The following BTC variants were observed in gnomAD, a reference collection of about 807,000 sequenced individuals.
BTC encodes the protein betacellulin.
A neutral mutation model predicts 18.1 loss-of-function variants in BTC; 13 were observed. The observed-to-expected ratio is 0.72, with a 90% CI of 0.47 to 1.14. BTC has a LOEUF of 1.14. BTC is among the 50% of genes most tolerant of loss of function. BTC has a pLI of 0.00. For missense variants in BTC, 247 were observed against 224.2 expected, an observed-to-expected ratio of 1.10 and a Z score of -0.65; for synonymous variants, 83 against 79.4, an observed-to-expected ratio of 1.05 and a Z score of -0.24.
intron 1 of BTC, among the ~76,000 whole-genome samples, chr4:74,793,263 A>T (rs529791443): frequency 1.3e-5 from 2 of 152,254 alleles, no homozygotes; most frequent in Non-Finnish European, 2.9e-5. Flanking sequence ...AAGCAAGTTC[A>T]CTGTACCTTT....
At chr4:74,772,437 C>T (rs1161569789) in intron 1 of BTC, among the ~76,000 whole-genome samples, 4 of 152,006 alleles carry the variant, frequency 2.6e-5, no homozygotes, top group Non-Finnish European at 4.4e-5. Context: ...AATCCTGGTG[C>T]CTAATACAGA....
At chr4:74,763,353 A>G (rs28565087) in intron 2 of BTC, among the ~76,000 whole-genome samples, 33,640 of 152,042 alleles carry the variant, frequency 0.22, 4,690 homozygotes, top group African/African-American at 0.4. Context: ...GACAAGTTGC[A>G]TCCTGCATGG....
intron 3 of BTC, among the ~76,000 whole-genome samples, chr4:74,751,008 A>G (rs190562391): frequency 1.6e-3 from 251 of 152,300 alleles, no homozygotes; most frequent in African/African-American, 5.7e-3. Flanking sequence ...CTCTGAATTC[A>G]AAAAGGAAAG....
chr4:74,790,259 T>C (rs1286066212), intron 1 of BTC, among the ~76,000 whole-genome samples: 1 of 152,250 alleles, frequency 6.6e-6, no homozygotes. Context: ...TGTGCTTTCC[T>C]ACTGTCTATT....
intron 2 of BTC, among the ~76,000 whole-genome samples, chr4:74,766,917 A>G (rs1459532683): frequency 6.6e-6 from 1 of 152,040 alleles, no homozygotes; most frequent in East Asian, 1.9e-4. Context: ...ATAGAAGGAA[A>G]TTACCCCAAA....
chr4:74,774,455 G>A (rs548141038), intron 1 of BTC, among the ~76,000 whole-genome samples: 5 of 152,258 alleles, frequency 3.3e-5, no homozygotes, highest in African/African-American at 1.2e-4. Flanking sequence ...TAGAGAGGCA[G>A]GAAAGTATGG....
chr4:74,763,146 T>C (rs139457178), intron 2 of BTC, among the ~76,000 whole-genome samples: 74 of 152,334 alleles, frequency 4.9e-4, no homozygotes, highest in African/African-American at 1.7e-3. Flanking sequence ...TAACTGTTTT[T>C]AAGCCCATTT....
intron 4 of BTC, among the ~76,000 whole-genome samples, chr4:74,748,392 C>T (rs1000551277): frequency 6.6e-6 from 1 of 152,012 alleles, no homozygotes; most frequent in African/African-American, 2.4e-5. Flanking sequence ...AAAAATTGGC[C>T]GGACGTGGTG....
At chr4:74,748,245 T>A (rs7699847) in intron 4 of BTC, 96 bp from the exon 5 acceptor site, 486,810 of 767,558 alleles carry the variant, frequency 0.63, 157,262 homozygotes, top group Non-Finnish European at 0.69. Flanking sequence ...TTTCTTTTTT[T>A]AAAAAAATAT....
At chr4:74,755,768 C>T (rs72660311) in intron 3 of BTC, 91 bp downstream of exon 3, 48,657 of 1,202,522 alleles carry the variant, frequency 0.04, 1,208 homozygotes, top group Non-Finnish European at 0.048. Context: ...GGACAGATGG[C>T]ATGGTTAGCT....
At chr4:74,751,807 A>C (rs2109879897) in intron 3 of BTC, among the ~76,000 whole-genome samples, 1 of 152,320 alleles carries the variant, frequency 6.6e-6, no homozygotes, top group East Asian at 1.9e-4. Flanking sequence ...AGTATTAATA[A>C]ACATTTTCCT....
Position 74,749,151 on chromosome 4 carries a change from C to T in BTC, c.429-1002G>A, listed in dbSNP as rs189744634. Among the ~76,000 whole-genome samples, 292 of 152,114 alleles carry T rather than the reference C, an allele frequency of 1.9e-3. 1 individual carries two copies. The highest frequency in any genetic ancestry group is 6.7e-3 in the African/African-American group (280 of 41,522). On this transcript the variant is annotated intron_variant, in intron 4 of 5. Transcript: ENST00000395743. The stretch of plus-strand genomic sequence containing the variant: ...CGAGACAAAAATCAAGTACTCTGGC[C>T]GGGCGCGGTGGCTCATGCCTGTAAT...
At chr4:74,784,383 A>G (rs1402551906) in intron 1 of BTC, among the ~76,000 whole-genome samples, 2 of 152,168 alleles carry the variant, frequency 1.3e-5, no homozygotes, top group Non-Finnish European at 2.9e-5. Context: ...CTGCAAACAA[A>G]GATAATTCAA....
At position 74,774,030 on chromosome 4, in the gene BTC, T is replaced by C. The variant is rs141467854; in HGVS notation, c.65-3874A>G. Among the ~76,000 whole-genome samples, 40 of 152,348 alleles carry C rather than the reference T, an allele frequency of 2.6e-4. No homozygotes were observed. The East Asian group carries it at 7.1e-3, about 27-fold the overall frequency. ...AAGACTTCATGGAGAAATTGAGATT[T>C]GCCATGAGTTCTTAATGAGGAATAA... On this transcript the variant is annotated intron_variant, in intron 1 of 5. Coordinates refer to ENST00000395743, the MANE Select transcript of BTC (RefSeq NM_001729.4).
At chr4:74,781,747 C>T (rs1369096024) in intron 1 of BTC, among the ~76,000 whole-genome samples, 1 of 151,596 alleles carries the variant, frequency 6.6e-6, no homozygotes, top group Admixed American at 6.6e-5. Context: ...ATTTATTATC[C>T]TAACCTTTTT....
At chr4:74,756,793 G>A (rs1394561245) in intron 2 of BTC, among the ~76,000 whole-genome samples, 1 of 152,220 alleles carries the variant, frequency 6.6e-6, no homozygotes, top group Non-Finnish European at 1.5e-5. Context: ...TTTCATTCCT[G>A]AACTGACTTC....
chr4:74,791,992 C>G (rs1560728269), intron 1 of BTC, among the ~76,000 whole-genome samples: 1 of 147,550 alleles, frequency 6.8e-6, no homozygotes, highest in East Asian at 1.9e-4. Context: ...CACACACACA[C>G]ACACACACAC....
At chr4:74,777,106 G>GGCAGCTTTA (rs1397473418) in intron 1 of BTC, among the ~76,000 whole-genome samples, 2 of 152,116 alleles carry the variant, frequency 1.3e-5, no homozygotes, top group African/African-American at 4.8e-5. Context: ...ACGGAGAAAA[G>GGCAGCTTTA]GCAGCTTTAG....
intron 2 of BTC, among the ~76,000 whole-genome samples, chr4:74,764,349 T>C (rs1204727370): frequency 6.6e-6 from 1 of 152,188 alleles, no homozygotes; most frequent in African/African-American, 2.4e-5. Flanking sequence ...AACTTGTCAC[T>C]GAGTTACTAT....
Sources: allele counts gnomAD v4.1 joint callset (sites outside exome capture counted in the v4.1 genomes callset), GRCh38; gene constraint gnomAD v4.1.1; transcripts MANE v1.5; gene names NCBI Gene and HGNC (gene_info 2026-07-23, HGNC 2026-07-21).